Variants in NEK10 observed in about 807,000 individuals in gnomAD.
The protein encoded by NEK10 is NIMA related kinase 10.
NEK10 carries 122 observed loss-of-function variants against 159.8 expected under a neutral mutation model. That is an observed-to-expected ratio of 0.76 (90% CI 0.66 to 0.89). The LOEUF is 0.89. NEK10 is among the 40% of genes least tolerant of loss of function. The probability of loss-of-function intolerance (pLI) is 0.00; values close to 1 mark genes in which losing one functional copy is unlikely to be tolerated. For synonymous variants in NEK10, 466 were observed against 457.1 expected (o/e 1.02, Z -0.25); for missense variants, 1,342 against 1,323.1 (o/e 1.01, Z -0.22).
chr3:27,230,666 G>C (rs1953142542), intron 23 of NEK10, among the ~76,000 whole-genome samples: 1 of 151,680 alleles, frequency 6.6e-6, no homozygotes, highest in Non-Finnish European at 1.5e-5. Flanking sequence ...AAAGGACAGG[G>C]GTGAAAAAAG....
chr3:27,345,664 C>T (rs1430966753), intron 4 of NEK10, among the ~76,000 whole-genome samples: 1 of 152,122 alleles, frequency 6.6e-6, no homozygotes, highest in Non-Finnish European at 1.5e-5. Flanking sequence ...AGAGGTGTGC[C>T]GCAAGCCCTT....
intron 7 of NEK10, 76 bp from the exon 8 acceptor site, chr3:27,312,253 GTTCTTAA>G: frequency 1.3e-6 from 1 of 753,514 alleles, no homozygotes; most frequent in East Asian, 2.8e-5. Flanking sequence ...AGATGCTGCA[GTTCTTAA>G]AATAAACTGT....
chr3:27,187,760 CAA>C (rs34803938), intron 26 of NEK10, among the ~76,000 whole-genome samples: 112 of 129,112 alleles, frequency 8.7e-4, no homozygotes, highest in Non-Finnish European at 1.1e-3. Context: ...GACTCCATCT[CAA>C]AAAAAAAAAA....
chr3:27,331,262 A>AAAAAAAAAAAAAAACACAC, intron 5 of NEK10, among the ~76,000 whole-genome samples: 20 of 110,140 alleles, frequency 1.8e-4, no homozygotes, highest in African/African-American at 5.2e-4. Context: ...AAAAAAAAAA[A>AAAAAAAAAAAAAAACACAC]ACACACAAAC....
chr3:27,120,497 ATTTT>A (rs56343169), intron 32 of NEK10, among the ~76,000 whole-genome samples: 1 of 143,346 alleles, frequency 7.0e-6, no homozygotes. Flanking sequence ...TAATTTTTGT[ATTTT>A]TTTTTTTTAG....
intron 23 of NEK10, among the ~76,000 whole-genome samples, chr3:27,207,719 A>G (rs549804816): frequency 6.6e-6 from 1 of 152,306 alleles, no homozygotes; most frequent in Non-Finnish European, 1.5e-5. Flanking sequence ...GGTATTGGCT[A>G]TCACACCTTC....
intron 22 of NEK10, among the ~76,000 whole-genome samples, chr3:27,270,542 G>A (rs976866115): frequency 9.2e-5 from 14 of 152,016 alleles, no homozygotes; most frequent in Non-Finnish European, 1.6e-4. Flanking sequence ...AATTTCTGGG[G>A]AATGTGTTAC....
At chr3:27,259,912 T>C (rs1386073531) in intron 22 of NEK10, among the ~76,000 whole-genome samples, 2 of 152,192 alleles carry the variant, frequency 1.3e-5, no homozygotes, top group African/African-American at 2.4e-5. Context: ...TGGTTTGTAG[T>C]TCTCCTTGAA....
At chr3:27,197,024 T>C (rs1949617918) in intron 25 of NEK10, among the ~76,000 whole-genome samples, 1 of 151,734 alleles carries the variant, frequency 6.6e-6, no homozygotes, top group Non-Finnish European at 1.5e-5. Context: ...TTTACCATTC[T>C]GCAAGCCCTA....
intron 6 of NEK10, among the ~76,000 whole-genome samples, chr3:27,316,996 C>A (rs1575718736): frequency 6.6e-6 from 1 of 152,160 alleles, no homozygotes; most frequent in African/African-American, 2.4e-5. Context: ...TTTCCCAGGA[C>A]ACGTATTACT....
chr3:27,288,933 G>A (rs142346041), intron 19 of NEK10, among the ~76,000 whole-genome samples: 118 of 152,264 alleles, frequency 7.7e-4, no homozygotes, highest in African/African-American at 2.5e-3. Flanking sequence ...TTCCCAGTTA[G>A]AGAAGATTTC....
intron 1 of NEK10, among the ~76,000 whole-genome samples, chr3:27,355,017 A>G (rs2048233397): frequency 6.7e-6 from 1 of 149,568 alleles, no homozygotes; most frequent in Admixed American, 6.7e-5. Context: ...GTCCCAAGGA[A>G]TGGGAGAGGC....
intron 30 of NEK10, among the ~76,000 whole-genome samples, chr3:27,142,804 T>C (rs1394291111): frequency 6.6e-6 from 1 of 152,154 alleles, no homozygotes; most frequent in Non-Finnish European, 1.5e-5. Flanking sequence ...AAGAATAAAA[T>C]ATAAACATTC....
intron 16 of NEK10, among the ~76,000 whole-genome samples, chr3:27,293,269 T>C (rs904923538): frequency 3.9e-5 from 6 of 152,250 alleles, no homozygotes; most frequent in Non-Finnish European, 8.8e-5. Flanking sequence ...CATATTTTAA[T>C]GCCATCTTTT....
intron 28 of NEK10, among the ~76,000 whole-genome samples, chr3:27,173,263 G>A (rs1451712921): frequency 6.6e-6 from 1 of 152,092 alleles, no homozygotes; most frequent in Non-Finnish European, 1.5e-5. Flanking sequence ...TCCTTGCCAA[G>A]TTACCATATG....
chr3:27,233,784 C>T (rs573341153), intron 23 of NEK10, among the ~76,000 whole-genome samples: 1 of 152,060 alleles, frequency 6.6e-6, no homozygotes, highest in Non-Finnish European at 1.5e-5. Context: ...CCAGCAACAT[C>T]CTGATACTAA....
At chr3:27,114,344 G>C (rs1171952142) in intron 35 of NEK10, among the ~76,000 whole-genome samples, 3 of 152,196 alleles carry the variant, frequency 2.0e-5, no homozygotes, top group African/African-American at 7.2e-5. Context: ...GGGATGGTGG[G>C]AGGAGAGTAG....
intron 22 of NEK10, among the ~76,000 whole-genome samples, chr3:27,280,293 G>A (rs776151905): frequency 2.8e-5 from 4 of 141,250 alleles, no homozygotes; most frequent in East Asian, 2.0e-4. Context: ...TGAGGAGGAA[G>A]GCTTAAGGGA....
chr3:27,106,809 A>C lies in NEK10; in HGVS notation c.*4463T>G, dbSNP rs1199098045. Among the ~76,000 whole-genome samples the C allele has an allele frequency of 6.6e-6, 1 of 152,224 alleles. No individual in the cohort carries two copies. Among genetic ancestry groups the C allele is most frequent in the Non-Finnish European group, 1.5e-5 (1 of 68,030 alleles). On this transcript the variant is annotated 3_prime_UTR_variant, in exon 36 of 36. Transcript: ENST00000691995. Reference sequence around the variant, plus strand: ...ATCCATCTGGATTTGTTGATTGTCAAAATGACAGTCAGCCATAATCCTCCA... The same window carrying C: ...ATCCATCTGGATTTGTTGATTGTCACAATGACAGTCAGCCATAATCCTCCA...
Sources: gnomAD v4.1 joint callset for allele counts (sites outside exome capture counted in the v4.1 genomes callset) on GRCh38, gnomAD v4.1.1 for gene constraint, MANE v1.5 for transcripts, NCBI Gene and HGNC (gene_info 2026-07-23, HGNC 2026-07-21) for gene names.